ZNF385B: variants seen among roughly 807,000 people sequenced by gnomAD.
ZNF385B encodes zinc finger protein 385B.
Under a neutral mutation model 39.2 loss-of-function variants are expected in ZNF385B, and 23 were observed. The observed-to-expected ratio is 0.59, with a 90% CI of 0.42 to 0.83. ZNF385B has a LOEUF of 0.83. Ranked by LOEUF, ZNF385B falls within the 40% of genes least tolerant of loss-of-function variation. ZNF385B has a pLI of 0.00. For missense variants in ZNF385B, 552 were observed against 598.9 expected (o/e 0.92, Z 0.82); for synonymous variants, 205 against 222.6 (o/e 0.92, Z 0.70).
At chr2:179,527,079 G>GC (rs1227822876) in intron 4 of ZNF385B, among the ~76,000 whole-genome samples, 1 of 152,154 alleles carries the variant, frequency 6.6e-6, no homozygotes, top group Non-Finnish European at 1.5e-5. Context: ...CATTACTATT[G>GC]CTACTACTAC....
chr2:179,648,968 A>G (rs189427388), intron 3 of ZNF385B, among the ~76,000 whole-genome samples: 1 of 152,374 alleles, frequency 6.6e-6, no homozygotes, highest in Non-Finnish European at 1.5e-5. Flanking sequence ...TGAAAAGATT[A>G]TGGTAGAAAA....
rs192143988 is a variant in ZNF385B, at chr2:179,524,374, A to T, written c.442-5736T>A. On this transcript the variant is annotated intron_variant, in intron 4 of 9. Transcript: ENST00000410066. ...GCGACAATCCTGGCTAACAAGGTAA[A>T]ACCCCGTCTCTACTAAAAATAAAAA... is the stretch of plus-strand genomic sequence containing the variant. 5.3e-3 allele frequency among the ~76,000 whole-genome samples: 806 copies of T among 151,628 alleles called. 5 individuals are homozygous for T. The highest frequency in any genetic ancestry group is 0.019 in the African/African-American group (765 of 41,292).
intron 3 of ZNF385B, among the ~76,000 whole-genome samples, chr2:179,570,593 T>A (rs1399612138): frequency 6.6e-6 from 1 of 152,218 alleles, no homozygotes; most frequent in Non-Finnish European, 1.5e-5. Flanking sequence ...ACAGTTCGCA[T>A]TCAATAAATG....
At chr2:179,470,623 G>A (rs2052650155) in intron 6 of ZNF385B, among the ~76,000 whole-genome samples, 1 of 152,174 alleles carries the variant, frequency 6.6e-6, no homozygotes. Flanking sequence ...CAAACTGGTT[G>A]AAGGAATGGT....
At chr2:179,475,930 T>C (rs948744054) in intron 6 of ZNF385B, among the ~76,000 whole-genome samples, 3 of 141,894 alleles carry the variant, frequency 2.1e-5, no homozygotes, top group Non-Finnish European at 4.5e-5. Context: ...GGCAGGAGAA[T>C]CACTTGAATT....
At position 179,683,217 on chromosome 2, in the gene ZNF385B, G is replaced by A. The variant is rs553392097; in HGVS notation, c.298+86286C>T. ...AGCCTGGCCAACACGGTGAAACCCT[G>A]TCTGTACTAAAAATACAAAAAAATT... On this transcript the variant is annotated intron_variant, in intron 3 of 9. Coordinates refer to ENST00000410066, the MANE Select transcript of ZNF385B (RefSeq NM_152520.6). 1.2e-3 allele frequency among the ~76,000 whole-genome samples: 186 copies of A among 151,920 alleles called. 1 individual carries two copies. The highest frequency in any genetic ancestry group is 1.9e-3 in the Non-Finnish European group (127 of 67,946).
At position 179,798,191 on chromosome 2, in the gene ZNF385B, G is replaced by C. The variant is rs544425197; in HGVS notation, c.-154-27519C>G. On this transcript the variant is annotated intron_variant, in intron 1 of 9. Coordinates refer to ENST00000410066, the MANE Select transcript of ZNF385B (RefSeq NM_152520.6). Reference sequence around the variant, plus strand: ...AAATTGTTCCATCTTTGGTTAGTAAGAGCCTGTTCAAATGGACTCCTGAGA... The same window carrying C: ...AAATTGTTCCATCTTTGGTTAGTAACAGCCTGTTCAAATGGACTCCTGAGA... 7.2e-5 allele frequency among the ~76,000 whole-genome samples: 11 copies of C among 151,892 alleles called. 2 individuals carry two copies. The South Asian group carries it at 2.1e-3, about 29-fold the overall frequency.
chr2:179,601,670 T>C (rs1339884169), intron 3 of ZNF385B, among the ~76,000 whole-genome samples: 2 of 152,180 alleles, frequency 1.3e-5, no homozygotes, highest in Admixed American at 6.5e-5. Context: ...GCAATGTATA[T>C]ATTTACATTT....
chr2:179,749,403 G>A (rs781651790), intron 3 of ZNF385B, among the ~76,000 whole-genome samples: 10 of 152,014 alleles, frequency 6.6e-5, no homozygotes, highest in Non-Finnish European at 1.2e-4. Flanking sequence ...AATCAGAAGA[G>A]CAAATATGTT....
At chr2:179,833,883 T>G (rs1194544167) in intron 1 of ZNF385B, among the ~76,000 whole-genome samples, 1 of 152,118 alleles carries the variant, frequency 6.6e-6, no homozygotes, top group Non-Finnish European at 1.5e-5. Flanking sequence ...ATCAATGAAA[T>G]ACATTCTAAG....
chr2:179,773,445 C>T (rs1309755177), intron 1 of ZNF385B, among the ~76,000 whole-genome samples: 1 of 152,168 alleles, frequency 6.6e-6, no homozygotes, highest in Non-Finnish European at 1.5e-5. Context: ...CTTCTAATTG[C>T]CAATTCCAAG....
At chr2:179,747,836 C>T (rs184604453) in intron 3 of ZNF385B, among the ~76,000 whole-genome samples, 1 of 152,136 alleles carries the variant, frequency 6.6e-6, no homozygotes, top group African/African-American at 2.4e-5. Flanking sequence ...GGGTCTGGGG[C>T]AACAACTCTA....
At chr2:179,734,536 A>C (rs1281293867) in intron 3 of ZNF385B, among the ~76,000 whole-genome samples, 2 of 152,212 alleles carry the variant, frequency 1.3e-5, no homozygotes, top group Non-Finnish European at 2.9e-5. Flanking sequence ...GAACAGCAAT[A>C]TCAAATAAAG....
At chr2:179,522,559 A>G (rs1574591627) in intron 4 of ZNF385B, among the ~76,000 whole-genome samples, 1 of 152,188 alleles carries the variant, frequency 6.6e-6, no homozygotes, top group African/African-American at 2.4e-5. Flanking sequence ...TCATGTGTAG[A>G]CTACTCAAAA....
intron 3 of ZNF385B, among the ~76,000 whole-genome samples, chr2:179,657,082 G>A (rs1263965247): frequency 6.6e-6 from 1 of 152,212 alleles, no homozygotes; most frequent in African/African-American, 2.4e-5. Context: ...AGAATGGGAG[G>A]TCACTCTGTA....
intron 3 of ZNF385B, among the ~76,000 whole-genome samples, chr2:179,605,685 C>T (rs900878507): frequency 6.6e-5 from 10 of 152,078 alleles, no homozygotes; most frequent in African/African-American, 1.2e-4. Flanking sequence ...TCTCTTAAGA[C>T]GCATTTATTT....
At chr2:179,494,989 G>A (rs2056044962) in intron 5 of ZNF385B, among the ~76,000 whole-genome samples, 1 of 152,152 alleles carries the variant, frequency 6.6e-6, no homozygotes, top group African/African-American at 2.4e-5. Context: ...AGAGGGAAAA[G>A]TAAAGGCGAC....
At chr2:179,634,711 C>T (rs1257304198) in intron 3 of ZNF385B, among the ~76,000 whole-genome samples, 1 of 151,972 alleles carries the variant, frequency 6.6e-6, no homozygotes, top group Non-Finnish European at 1.5e-5. Context: ...GGGTATATAC[C>T]CAAAGGATTA....
At chr2:179,679,631 GTTGTTGTTA>G (rs1409375301) in intron 3 of ZNF385B, among the ~76,000 whole-genome samples, 4 of 146,222 alleles carry the variant, frequency 2.7e-5, no homozygotes, top group Non-Finnish European at 6.1e-5. Context: ...TGTTGTTGTT[GTTGTTGTTA>G]TTATAGCAAA....
Sources: gnomAD v4.1 joint callset for allele counts (sites outside exome capture counted in the v4.1 genomes callset) on GRCh38, gnomAD v4.1.1 for gene constraint, MANE v1.5 for transcripts, NCBI Gene and HGNC (gene_info 2026-07-23, HGNC 2026-07-21) for gene names.